The following FAM228B variants were observed in gnomAD, a reference collection of about 807,000 sequenced individuals.
FAM228B encodes family with sequence similarity 228 member B, also known as protein FAM228B.
Under a neutral mutation model 42.6 loss-of-function variants are expected in FAM228B, and 38 were observed. The observed-to-expected ratio is 0.89, with a 90% CI of 0.69 to 1.17. The LOEUF (loss-of-function observed/expected upper bound fraction) is 1.17, where lower values mean the gene tolerates loss of function less well. Ranked by LOEUF, FAM228B falls within the 50% of genes most tolerant of loss-of-function variation. The probability of loss-of-function intolerance (pLI) is 0.00; values close to 1 mark genes in which losing one functional copy is unlikely to be tolerated. For synonymous variants in FAM228B, 109 were observed against 122.3 expected, an observed-to-expected ratio of 0.89 and a Z score of 0.72; for missense variants, 344 against 367.3, an observed-to-expected ratio of 0.94 and a Z score of 0.52.
intron 10 of FAM228B, 98 bp downstream of exon 10, chr2:24,167,781 G>A: frequency 7.2e-7 from 1 of 1,387,292 alleles, no homozygotes; most frequent in Non-Finnish European, 9.9e-7. Flanking sequence ...CAGTGGGAGG[G>A]AGGAAAGAGA....
At chr2:24,092,499 TG>T (rs1021109654) in intron 2 of FAM228B, among the ~76,000 whole-genome samples, 3 of 151,834 alleles carry the variant, frequency 2.0e-5, no homozygotes, top group African/African-American at 7.3e-5. Context: ...CGCTTGAGCC[TG>T]GGAGGCAGAG....
intron 5 of FAM228B, among the ~76,000 whole-genome samples, chr2:24,144,670 C>T (rs12621083): frequency 0.58 from 88,369 of 151,914 alleles, 26,394 homozygotes; most frequent in East Asian, 0.75. Context: ...CAGCTGGCAG[C>T]AACCTTGCTG....
intron 7 of FAM228B, among the ~76,000 whole-genome samples, chr2:24,154,726 T>C (rs1306324595): frequency 6.6e-6 from 1 of 152,236 alleles, no homozygotes; most frequent in African/African-American, 2.4e-5. Flanking sequence ...GTCTTTGGAA[T>C]TCAGTTTACT....
intron 2 of FAM228B, among the ~76,000 whole-genome samples, chr2:24,130,343 G>A (rs376535308): frequency 5.3e-5 from 8 of 152,142 alleles, no homozygotes; most frequent in Non-Finnish European, 7.3e-5. Context: ...GGATTGCTGC[G>A]TCAAATGGTA....
In FAM228B at chr2:24,147,015, C is replaced by G; in HGVS notation, c.615C>G (p.His205Gln). Residue 205 changes from histidine (H) to glutamine (Q), a missense_variant, in exon 7 of 11, where the codon CAC becomes CAG. Transcript: ENST00000615575. ...TCCCACAAATTTCTAATTCAAGGCACTTTATAACTCCAAACGAGTGGCTGA... is the reference window on the plus strand; with the variant it reads ...TCCCACAAATTTCTAATTCAAGGCAGTTTATAACTCCAAACGAGTGGCTGA... ...SRFPQISNSR[H>Q]FITPNEWLKL... 1 of 1,551,336 alleles carries G rather than the reference C, an allele frequency of 6.4e-7. No individual in the cohort carries two copies. The highest frequency in any genetic ancestry group is 8.7e-7 in the Non-Finnish European group (1 of 1,146,774).
chr2:24,137,310 G>A (rs945408200), intron 3 of FAM228B, among the ~76,000 whole-genome samples: 1 of 152,144 alleles, frequency 6.6e-6, no homozygotes, highest in African/African-American at 2.4e-5. Flanking sequence ...GAGTGGAATT[G>A]TTGGGTCTTA....
At position 24,167,608 on chromosome 2, in the gene FAM228B, G is replaced by A. The variant is rs1420667561; in HGVS notation, c.933-19G>A. 6.4e-7 allele frequency: 1 copy of A among 1,551,348 alleles called. No individual in the cohort carries two copies. Among genetic ancestry groups the A allele is most frequent in the South Asian group, 1.2e-5 (1 of 84,038 alleles). On this transcript the variant is annotated intron_variant, in intron 9 of 10. Coordinates refer to ENST00000615575, the MANE Select transcript of FAM228B (RefSeq NM_001145710.2). Reference sequence around the variant, plus strand: ...AGTCTCGTATAACATAATGACCAAAGCTTCAATCTTCATTTAAGGTCTCCC... The same window carrying A: ...AGTCTCGTATAACATAATGACCAAAACTTCAATCTTCATTTAAGGTCTCCC...
chr2:24,090,262 C>A lies in FAM228B; in HGVS notation c.-209-4879C>A, dbSNP rs4665656. On this transcript the variant is annotated intron_variant, in intron 2 of 10. Coordinates refer to the FAM228B transcript ENST00000613899. ...CAGCCTGGGCTACAGAGTGAGACTC[C>A]GTCTCAAAAACAAACAAACAAACAA... Among the ~76,000 whole-genome samples the A allele has an allele frequency of 2.0e-5, 3 of 151,384 alleles. No homozygotes were observed. The South Asian group carries it at 6.3e-4, about 32-fold the overall frequency.
intron 4 of FAM228B, among the ~76,000 whole-genome samples, chr2:24,138,970 C>A (rs1040951146): frequency 6.6e-6 from 1 of 151,286 alleles, no homozygotes; most frequent in African/African-American, 2.4e-5. Flanking sequence ...ATTATACTTA[C>A]AAAATAAATA....
chr2:24,082,844 T>G (rs1037033815), intron 2 of FAM228B: 1 of 1,554,544 alleles, frequency 6.4e-7, no homozygotes, highest in Admixed American at 1.9e-5. Context: ...TATGAAGGTG[T>G]TGAGCCACAT....
At position 24,099,923 on chromosome 2, in the gene FAM228B, A is replaced by G. The variant is rs528961243; in HGVS notation, c.-121+4694A>G. Among the ~76,000 whole-genome samples the G allele has an allele frequency of 1.4e-3, 217 of 152,352 alleles. 1 individual carries two copies. Among genetic ancestry groups the G allele is most frequent in the African/African-American group, 5.1e-3 (212 of 41,588 alleles). On this transcript the variant is annotated intron_variant, in intron 3 of 10. Coordinates refer to the FAM228B transcript ENST00000613899. Reference sequence around the variant, plus strand: ...ACGGTACTGGTACCAAAACAGATACATAGACCAATGGAACAGAAAAGAGGC... The same window carrying G: ...ACGGTACTGGTACCAAAACAGATACGTAGACCAATGGAACAGAAAAGAGGC...
chr2:24,120,268 C>CA (rs58841450), upstream of FAM228B, among the ~76,000 whole-genome samples: 7,606 of 118,194 alleles, frequency 0.064, 248 homozygotes, highest in Non-Finnish European at 0.091. Flanking sequence ...AAACTCGTCT[C>CA]AAAAAAAAAA....
At chr2:24,102,917 A>G (rs1028571957) in intron 3 of FAM228B, among the ~76,000 whole-genome samples, 8 of 152,208 alleles carry the variant, frequency 5.3e-5, no homozygotes, top group Admixed American at 5.2e-4. Context: ...TTTTAATTCA[A>G]TAATCATGTT....
At chr2:24,091,800 G>A (rs1439258386) in intron 2 of FAM228B, among the ~76,000 whole-genome samples, 1 of 152,106 alleles carries the variant, frequency 6.6e-6, no homozygotes, top group Admixed American at 6.5e-5. Flanking sequence ...TACCCAAAAT[G>A]TCAGTTTTAC....
chr2:24,085,667 T>C (rs1319963780), intron 2 of FAM228B: 1 of 152,148 alleles, frequency 6.6e-6, no homozygotes, highest in African/African-American at 2.4e-5. Context: ...CAATTTTCCA[T>C]CCACTGACCC....
At chr2:24,107,440 C>T (rs919274736) in intron 3 of FAM228B, among the ~76,000 whole-genome samples, 2 of 152,152 alleles carry the variant, frequency 1.3e-5, no homozygotes, top group African/African-American at 4.8e-5. Flanking sequence ...TGATAGACAT[C>T]TACAGAGTGC....
chr2:24,077,491 G>C lies in FAM228B; in HGVS notation c.-290+522G>C. 4.9e-6 allele frequency: 7 copies of C among 1,418,354 alleles called. No homozygotes were observed. The South Asian group carries it at 8.6e-5, about 17-fold the overall frequency. The allele number at this position is 1,418,354 out of a possible 1,614,324, so 87.9% of individuals were successfully genotyped here. On this transcript the variant is annotated intron_variant, in intron 1 of 10. Transcript: ENST00000613899. This position sits in a 1 kb window ranked among gnomAD's most constrained non-coding sequence, Gnocchi z 5.5. ...TTAAACGGCTCTGGAGGAAGCACCG[G>C]GTTTCTTGGCCTGTCTATTGTGAAT...
At chr2:24,088,999 G>GT (rs1178251743) in intron 2 of FAM228B, among the ~76,000 whole-genome samples, 2 of 152,156 alleles carry the variant, frequency 1.3e-5, no homozygotes, top group African/African-American at 4.8e-5. Context: ...AAACAGTGTG[G>GT]TTTCCCAGAT....
intron 5 of FAM228B, among the ~76,000 whole-genome samples, chr2:24,143,339 C>T (rs888454805): frequency 6.6e-6 from 1 of 152,080 alleles, no homozygotes; most frequent in African/African-American, 2.4e-5. Context: ...CGCCACCACG[C>T]CCGGCTAATT....
Sources: gnomAD v4.1 joint callset for allele counts (sites outside exome capture counted in the v4.1 genomes callset) on GRCh38, gnomAD v4.1.1 for gene constraint, Gnocchi (gnomAD v3.1) non-coding constraint, MANE v1.5 for transcripts, NCBI Gene and HGNC (gene_info 2026-07-23, HGNC 2026-07-21) for gene names.